PCDHA1: variants seen among roughly 807,000 people sequenced by gnomAD.
PCDHA1 encodes protocadherin alpha-1.
In PCDHA1, 42 loss-of-function variants were observed where a neutral mutation model predicts 61.3. That is an observed-to-expected ratio of 0.69 (90% CI 0.54 to 0.89). The LOEUF (loss-of-function observed/expected upper bound fraction) is 0.89. Among genes scored for constraint, PCDHA1 ranks in the 40% least tolerant of loss-of-function variants. The probability of loss-of-function intolerance (pLI) is 0.00; values close to 1 mark genes in which losing one functional copy is unlikely to be tolerated. For synonymous variants in PCDHA1, 610 were observed against 553.8 expected (o/e 1.10, Z -1.43); for missense variants, 1,256 against 1,235.3 (o/e 1.02, Z -0.25).
intron 3 of PCDHA1, among the ~76,000 whole-genome samples, chr5:140,984,861 C>T (rs1163314869): frequency 6.6e-6 from 1 of 151,870 alleles, no homozygotes; most frequent in Non-Finnish European, 1.5e-5. Flanking sequence ...ATAATAACAC[C>T]TATTTTATTG....
At chr5:140,856,545 T>C in intron 1 of PCDHA1, 1 of 1,598,250 alleles carries the variant, frequency 6.3e-7, no homozygotes, top group South Asian at 1.1e-5. Context: ...GAGAACGCAT[T>C]GCTTACTTAC....
chr5:140,927,942 T>C, intron 1 of PCDHA1: 1 of 1,614,226 alleles, frequency 6.2e-7, no homozygotes, highest in Non-Finnish European at 8.5e-7. Flanking sequence ...ACCCAGTACC[T>C]GAGGACGCTG....
chr5:140,806,964 T>C (rs1380498869), intron 1 of PCDHA1: 2 of 602,612 alleles, frequency 3.3e-6, no homozygotes, highest in Non-Finnish European at 5.8e-6. Context: ...GTTTCCACAA[T>C]TGCTACTTAC....
At chr5:140,789,246 T>C (rs973350646) in intron 1 of PCDHA1, among the ~76,000 whole-genome samples, 46 of 152,184 alleles carry the variant, frequency 3.0e-4, no homozygotes, top group African/African-American at 1.1e-3. Context: ...GATCAGGAGT[T>C]TGAGACTAGC....
chr5:140,993,463 CACA>C (rs1563592017), intron 3 of PCDHA1, among the ~76,000 whole-genome samples: 29 of 7,582 alleles, frequency 3.8e-3, no homozygotes, highest in African/African-American at 0.016. Flanking sequence ...CTTTCTTTCT[CACA>C]CACACACACA....
chr5:140,863,109 G>A, intron 1 of PCDHA1: 1 of 584,624 alleles, frequency 1.7e-6, no homozygotes, highest in Non-Finnish European at 3.4e-6. Flanking sequence ...CCCTGGACGA[G>A]GCGAAAGCTA....
intron 1 of PCDHA1, chr5:140,830,316 C>A (rs1770983457): frequency 1.2e-6 from 2 of 1,613,980 alleles, no homozygotes; most frequent in Non-Finnish European, 1.7e-6. Flanking sequence ...CTGGTGTGCT[C>A]CAGCGCAGTG....
intron 1 of PCDHA1, chr5:140,836,684 A>T: frequency 6.2e-7 from 1 of 1,613,514 alleles, no homozygotes; most frequent in Non-Finnish European, 8.5e-7. Context: ...CACCCAAGAC[A>T]GACCTCATGG....
chr5:140,958,911 G>C (rs1458386566), intron 1 of PCDHA1, among the ~76,000 whole-genome samples: 3 of 151,406 alleles, frequency 2.0e-5, no homozygotes, highest in African/African-American at 7.3e-5. Flanking sequence ...AGAAAAGTCT[G>C]CCTGGGTGTG....
At chr5:140,795,490 GA>G (rs782770754) in intron 1 of PCDHA1, 1 of 1,614,158 alleles carries the variant, frequency 6.2e-7, no homozygotes, top group Non-Finnish European at 8.5e-7. Flanking sequence ...CAGCTCCAGT[GA>G]GTTTTTCTTC....
chr5:140,870,880 G>C (rs782304708), intron 1 of PCDHA1: 1 of 1,613,948 alleles, frequency 6.2e-7, no homozygotes, highest in South Asian at 1.1e-5. Context: ...GGTGGCGAAG[G>C]TGCGCGCAGT....
rs2042381743 is a variant in PCDHA1 at position 140,852,581 on chromosome 5, T to A, written c.2394+63897T>A. ...GTGAGCCACTGTGCCAAGGCTTTTTTATTTTTTTTTTTTGTCATTTTCTTT... is the reference window on the plus strand; with the variant it reads ...GTGAGCCACTGTGCCAAGGCTTTTTAATTTTTTTTTTTTGTCATTTTCTTT... On this transcript the variant is annotated intron_variant, in intron 1 of 3. Transcript: ENST00000504120. 5 of 832,294 alleles carry A rather than the reference T, an allele frequency of 6.0e-6. 1 individual carries two copies. The highest frequency in any genetic ancestry group is 7.4e-6 in the Non-Finnish European group (5 of 678,338). 51.6% of individuals were successfully genotyped at this position (832,294 alleles called of 1,614,324 possible). A position where few individuals can be genotyped will look rare whatever the true frequency, so the allele number is the denominator to read the frequency against.
At chr5:140,940,271 T>C (rs1371680526) in intron 1 of PCDHA1, among the ~76,000 whole-genome samples, 1 of 152,228 alleles carries the variant, frequency 6.6e-6, no homozygotes, top group East Asian at 1.9e-4. Context: ...GGTTCCACTG[T>C]TGTCTCATTG....
At chr5:140,966,125 C>T (rs1443798693) in intron 1 of PCDHA1, 1 of 159,140 alleles carries the variant, frequency 6.3e-6, no homozygotes, top group African/African-American at 2.4e-5. Context: ...TTAGCTAAGG[C>T]CCCTCAGTTT....
In PCDHA1 at chr5:141,010,844, A is replaced by T. The variant is rs1286149629; in HGVS notation, c.*907A>T. ...TGTTTGTTGTTTCATAGATTTATTT[A>T]AAAAAAGAGAAAGTCTATAGCTATA... On this transcript the variant is annotated 3_prime_UTR_variant, in exon 4 of 4. Coordinates refer to ENST00000504120, the MANE Select transcript of PCDHA1 (RefSeq NM_018900.4). The T allele has an allele frequency of 1.3e-5, 2 of 153,756 alleles. No homozygotes were observed. The highest frequency in any genetic ancestry group is 2.9e-5 in the Non-Finnish European group (2 of 68,056). 9.5% of individuals were successfully genotyped at this position (153,756 alleles called of 1,614,324 possible).
At chr5:140,883,040 G>A (rs994931084) in intron 1 of PCDHA1, 1 of 1,614,062 alleles carries the variant, frequency 6.2e-7, no homozygotes, top group Non-Finnish European at 8.5e-7. Flanking sequence ...CGCCTTCAAT[G>A]GAACATTAGT....
intron 1 of PCDHA1, among the ~76,000 whole-genome samples, chr5:140,960,597 C>G (rs1315375637): frequency 1.3e-5 from 2 of 152,092 alleles, no homozygotes; most frequent in Non-Finnish European, 2.9e-5. Flanking sequence ...ATTCAAGGTA[C>G]TTCAACAATA....
chr5:140,977,750 G>A (rs2096773664), intron 1 of PCDHA1, among the ~76,000 whole-genome samples: 1 of 152,142 alleles, frequency 6.6e-6, no homozygotes, highest in South Asian at 2.1e-4. Context: ...GAAGAAATGT[G>A]TTTATTAAAT....
At chr5:140,808,545 CG>C (rs1562217441) in intron 1 of PCDHA1, 1 of 1,614,116 alleles carries the variant, frequency 6.2e-7, no homozygotes, top group Admixed American at 1.7e-5. Flanking sequence ...GACAACGCTC[CG>C]GCGTTCGCGC....
Sources: gnomAD v4.1 joint callset for allele counts (sites outside exome capture counted in the v4.1 genomes callset) on GRCh38, gnomAD v4.1.1 for gene constraint, MANE v1.5 for transcripts, NCBI Gene and HGNC (gene_info 2026-07-23, HGNC 2026-07-21) for gene names.